PPP1R21: variants seen among roughly 807,000 people sequenced by gnomAD.
PPP1R21 encodes KLRAQ motif containing 1.
A neutral mutation model predicts 112.8 loss-of-function variants in PPP1R21; 85 were observed. That is an observed-to-expected ratio of 0.75 (90% CI 0.63 to 0.90). PPP1R21 has a LOEUF of 0.90. Among genes scored for constraint, PPP1R21 ranks in the 40% least tolerant of loss-of-function variants. PPP1R21 has a pLI of 0.00. For missense variants in PPP1R21, 1,199 were observed against 901.5 expected (o/e 1.33, Z -4.23); for synonymous variants, 381 against 322.3 (o/e 1.18, Z -1.95).
Position 48,465,657 on chromosome 2 carries a change from G to C in PPP1R21, c.897+15G>C, listed in dbSNP as rs146411943. The C allele has an allele frequency of 6.2e-7, 1 of 1,607,708 alleles. No homozygotes were observed. The highest frequency in any genetic ancestry group is 2.2e-5 in the East Asian group (1 of 44,782). Reference sequence around the variant, plus strand: ...TGAATCAGAAGGTAAATTTAATTCAGGATACATTTTGTTTGCCCTGAACAA... The same window carrying C: ...TGAATCAGAAGGTAAATTTAATTCACGATACATTTTGTTTGCCCTGAACAA... On this transcript the variant is annotated intron_variant, in intron 9 of 21. Transcript: ENST00000294952.
chr2:48,508,105 A>G (rs1396312242), intron 19 of PPP1R21, among the ~76,000 whole-genome samples: 4 of 151,978 alleles, frequency 2.6e-5, no homozygotes, highest in Admixed American at 6.6e-5. Flanking sequence ...TTATTGCACT[A>G]TGCAGTATCA....
rs541668512 is a variant in PPP1R21 at position 48,451,672 on chromosome 2, T to A, written c.126+596T>A. 4.5e-4 allele frequency among the ~76,000 whole-genome samples: 69 copies of A among 152,354 alleles called. 1 individual carries two copies. Among genetic ancestry groups the A allele is most frequent in the South Asian group, 3.7e-3 (18 of 4,832 alleles). ...TAGGCATGTAGTAAATATTGCTTAG[T>A]GATATTTTTAAATGGATAAATTAAG... On this transcript the variant is annotated intron_variant, in intron 2 of 21. Transcript: ENST00000294952.
At chr2:48,459,400 T>C (rs1017495937) in intron 4 of PPP1R21, among the ~76,000 whole-genome samples, 1 of 152,204 alleles carries the variant, frequency 6.6e-6, no homozygotes, top group Non-Finnish European at 1.5e-5. Flanking sequence ...TCAATTGAAT[T>C]CTATGTATGC....
Position 48,498,595 on chromosome 2 carries a change from C to T in PPP1R21, c.1795C>T (p.Arg599Ter), listed in dbSNP as rs1457572479. Residue 599 changes from arginine to a stop codon, truncating the protein, a stop_gained, in exon 17 of 22, where the codon CGA (arginine) becomes TGA (stop). Coordinates refer to ENST00000294952, the MANE Select transcript of PPP1R21 (RefSeq NM_001135629.3). LOFTEE classifies it high-confidence loss of function. Reference protein sequence around the residue: ...AKIKLEKENQRIADKLKNTGS... With the variant: ...AKIKLEKENQ ...AATCAAGCTAGAGAAAGAAAACCAG[C>T]GAATTGCAGATAAGCTGAAGAATAC... is the stretch of plus-strand genomic sequence containing the variant. 7.4e-6 allele frequency: 12 copies of T among 1,614,062 alleles called. No individual in the cohort carries two copies. Among genetic ancestry groups the T allele is most frequent in the Non-Finnish European group, 1.0e-5 (12 of 1,180,052 alleles).
At chr2:48,461,014 G>T in intron 6 of PPP1R21, 124 bp from the exon 7 acceptor site, 1 of 1,426,576 alleles carries the variant, frequency 7.0e-7, no homozygotes, top group Non-Finnish European at 9.2e-7. Flanking sequence ...TCTCTGCCAA[G>T]AGTATCCCAG....
At chr2:48,480,072 G>C in intron 13 of PPP1R21, 56 bp downstream of exon 13, 1 of 1,146,934 alleles carries the variant, frequency 8.7e-7, no homozygotes, top group Non-Finnish European at 1.3e-6. Flanking sequence ...TCTTCGATCT[G>C]CCTGAATAAG....
At chr2:48,474,371 G>A (rs1216851040) in intron 11 of PPP1R21, among the ~76,000 whole-genome samples, 1 of 152,178 alleles carries the variant, frequency 6.6e-6, no homozygotes, top group Admixed American at 6.5e-5. Context: ...GACAGTGAGA[G>A]ACTCCGTCTC....
At chr2:48,472,239 C>CAAA (rs57711610) in intron 11 of PPP1R21, among the ~76,000 whole-genome samples, 2 of 43,038 alleles carry the variant, frequency 4.6e-5, no homozygotes, top group Non-Finnish European at 7.5e-5. Flanking sequence ...GACTCCATCT[C>CAAA]AAAAAAAAAA....
intron 19 of PPP1R21, among the ~76,000 whole-genome samples, chr2:48,507,749 C>CTTTTTTTTTTTTTTTTTT (rs34546075): frequency 4.7e-5 from 2 of 42,394 alleles, no homozygotes; most frequent in African/African-American, 1.0e-4. Context: ...GAGGCTCTGC[C>CTTTTTTTTTTTTTTTTTT]TTTTTTTTTT....
intron 14 of PPP1R21, among the ~76,000 whole-genome samples, chr2:48,487,589 C>G (rs1202234927): frequency 6.6e-6 from 1 of 151,806 alleles, no homozygotes; most frequent in East Asian, 1.9e-4. Context: ...ATGTCAAGAC[C>G]TCATCCCTAC....
intron 14 of PPP1R21, among the ~76,000 whole-genome samples, chr2:48,487,006 G>A (rs1040191949): frequency 6.6e-6 from 1 of 152,172 alleles, no homozygotes; most frequent in Non-Finnish European, 1.5e-5. Flanking sequence ...CCTGGGTGGC[G>A]GGGACTATGG....
intron 21 of PPP1R21, among the ~76,000 whole-genome samples, chr2:48,512,899 G>A (rs1269422702): frequency 1.3e-5 from 2 of 152,282 alleles, no homozygotes; most frequent in Non-Finnish European, 2.9e-5. Flanking sequence ...TTCCAGCAGA[G>A]CAATATCTAA....
In PPP1R21 at chr2:48,510,013, A is replaced by T; in HGVS notation, c.2086-2A>T. 6.3e-7 allele frequency: 1 copy of T among 1,584,218 alleles called. No homozygotes were observed. The highest frequency in any genetic ancestry group is 8.6e-7 in the Non-Finnish European group (1 of 1,164,972). ...GTAATGGAATGTTTTCTGATTTTACAGTGCCGAGCACTGTCTAAAAGACTG... is the reference window on the plus strand; with the variant it reads ...GTAATGGAATGTTTTCTGATTTTACTGTGCCGAGCACTGTCTAAAAGACTG... On this transcript the variant is annotated splice_acceptor_variant, in intron 19 of 21. Coordinates refer to ENST00000294952, the MANE Select transcript of PPP1R21 (RefSeq NM_001135629.3). LOFTEE classifies it high-confidence loss of function.
intron 9 of PPP1R21, among the ~76,000 whole-genome samples, chr2:48,470,566 TC>T (rs1343531911): frequency 6.6e-6 from 1 of 151,536 alleles, no homozygotes; most frequent in Non-Finnish European, 1.5e-5. Context: ...GATAATTACA[TC>T]CTTGGAATTT....
intron 12 of PPP1R21, among the ~76,000 whole-genome samples, chr2:48,478,375 ATCT>A (rs1445056287): frequency 6.6e-6 from 1 of 152,138 alleles, no homozygotes; most frequent in Non-Finnish European, 1.5e-5. Flanking sequence ...CTTTAAACAC[ATCT>A]TCTAGTTTTT....
At chr2:48,479,600 T>C (rs765930357) in intron 12 of PPP1R21, 1 of 529,948 alleles carries the variant, frequency 1.9e-6, no homozygotes, top group Non-Finnish European at 3.7e-6. Context: ...GTGTAGGGAA[T>C]GAAAAATGCA....
Position 48,498,693 on chromosome 2 carries a change from C to G in PPP1R21, c.1893C>G (p.Ala631=). The part of the protein sequence containing the change: ...AVSNTAGQDE[A]TAKAVLEPIQ... ...CAAATACTGCTGGCCAGGATGAAGC[C>G]ACAGCTAAGGCTGTGTTGGAGCCCA... is the stretch of plus-strand genomic sequence containing the variant. Residue 631 remains alanine (A), a synonymous_variant, in exon 17 of 22, where the codon GCC becomes GCG. Transcript: ENST00000294952. 6.2e-7 allele frequency: 1 copy of G among 1,614,182 alleles called. No individual in the cohort carries two copies. Among genetic ancestry groups the G allele is most frequent in the Non-Finnish European group, 8.5e-7 (1 of 1,180,016 alleles).
Position 48,491,084 on chromosome 2 carries a change from G to C in PPP1R21, c.1513G>C (p.Ala505Pro), listed in dbSNP as rs1471073970. 1 of 1,614,122 alleles carries C rather than the reference G, an allele frequency of 6.2e-7. No individual in the cohort carries two copies. The highest frequency in any genetic ancestry group is 8.5e-7 in the Non-Finnish European group (1 of 1,179,974). Residue 505 changes from alanine (A) to proline (P), a missense_variant, in exon 15 of 22, where the codon GCG (alanine) becomes CCG (proline). By Grantham distance (27) the Ala-to-Pro change is conservative. Coordinates refer to ENST00000294952, the MANE Select transcript of PPP1R21 (RefSeq NM_001135629.3). ...IASLSYGPKA[A>P]SGFISPLSAE... ...TTCACTGAGCTATGGACCTAAGGCAGCGAGTGGATTCATTAGTCCTCTTTC... is the reference window on the plus strand; with the variant it reads ...TTCACTGAGCTATGGACCTAAGGCACCGAGTGGATTCATTAGTCCTCTTTC...
chr2:48,469,610 A>G (rs1244651882), intron 9 of PPP1R21, among the ~76,000 whole-genome samples: 1 of 129,732 alleles, frequency 7.7e-6, no homozygotes, highest in Admixed American at 8.0e-5. Context: ...GATAGAATAT[A>G]CTATCCAATA....
Sources: allele counts gnomAD v4.1 joint callset (sites outside exome capture counted in the v4.1 genomes callset), GRCh38; gene constraint gnomAD v4.1.1; transcripts MANE v1.5; gene names NCBI Gene and HGNC (gene_info 2026-07-23, HGNC 2026-07-21).